SPOPL: variants seen among roughly 807,000 people sequenced by gnomAD.
SPOPL encodes speckle-type POZ protein-like.
Under a neutral mutation model 53.8 loss-of-function variants are expected in SPOPL, and 23 were observed. That is an observed-to-expected ratio of 0.43 (90% confidence interval 0.31 to 0.61). The LOEUF is 0.61. SPOPL is among the 20% of genes least tolerant of loss of function. The pLI, the probability that SPOPL is intolerant of heterozygous loss-of-function variation, is 0.12. For missense variants in SPOPL, 442 were observed against 466.9 expected, an observed-to-expected ratio of 0.95 and a Z score of 0.49; for synonymous variants, 164 against 149.7, an observed-to-expected ratio of 1.10 and a Z score of -0.70.
chr2:138,552,807 C>A (rs1685342021), intron 5 of SPOPL, 126 bp downstream of exon 5: 2 of 1,158,734 alleles, frequency 1.7e-6, no homozygotes, highest in East Asian at 2.7e-5. Context: ...TTTGTAAATT[C>A]TTGACTAGAA....
rs544672804 is a variant in SPOPL, at chr2:138,561,665, AACTT to A, written c.837+740_837+743del. On this transcript the variant is annotated intron_variant, in intron 8 of 10. Transcript: ENST00000280098. Reference sequence around the variant, plus strand: ...ATGAATCTATGACTGTCTCAATAAAAACTTAAATTAAAAACACCATTTACAATAG... The same window carrying A: ...ATGAATCTATGACTGTCTCAATAAAAAAATTAAAAACACCATTTACAATAG... Among the ~76,000 whole-genome samples the A allele has an allele frequency of 2.7e-3, 407 of 152,294 alleles. 1 individual carries two copies. Among genetic ancestry groups the A allele is most frequent in the Non-Finnish European group, 4.0e-3 (271 of 68,018 alleles).
chr2:138,546,383 TAAG>T (rs1558874540), intron 1 of SPOPL, among the ~76,000 whole-genome samples: 1 of 152,216 alleles, frequency 6.6e-6, no homozygotes, highest in African/African-American at 2.4e-5. Flanking sequence ...CCTTTTTCTG[TAAG>T]AATGAGAATA....
chr2:138,546,201 C>T (rs1020847779), intron 1 of SPOPL, among the ~76,000 whole-genome samples: 1 of 152,158 alleles, frequency 6.6e-6, no homozygotes, highest in African/African-American at 2.4e-5. Context: ...ATTTGAATAA[C>T]AAATCTTGCT....
chr2:138,505,984 A>T (rs1684208467), intron 1 of SPOPL, among the ~76,000 whole-genome samples: 1 of 152,122 alleles, frequency 6.6e-6, no homozygotes, highest in Admixed American at 6.6e-5. Context: ...TCAGCACGTG[A>T]GGTTGGTTGA....
chr2:138,532,420 CTTTTTT>C (rs769229731), intron 1 of SPOPL, among the ~76,000 whole-genome samples: 39 of 53,248 alleles, frequency 7.3e-4, no homozygotes, highest in African/African-American at 2.7e-3. Context: ...TTTTTGTTCG[CTTTTTT>C]TTTTTTTTTT....
At chr2:138,565,070 C>T in intron 10 of SPOPL, 77 bp downstream of exon 10, 2 of 1,535,882 alleles carry the variant, frequency 1.3e-6, no homozygotes, top group Non-Finnish European at 1.8e-6. Context: ...TTTTGTTCAT[C>T]TACAATAAGT....
chr2:138,531,695 A>G (rs1684813102), intron 1 of SPOPL, among the ~76,000 whole-genome samples: 1 of 151,804 alleles, frequency 6.6e-6, no homozygotes, highest in South Asian at 2.1e-4. Context: ...TATTCAACTT[A>G]TATTAAGTAG....
intron 8 of SPOPL, among the ~76,000 whole-genome samples, chr2:138,563,778 C>T (rs1272691755): frequency 6.6e-6 from 1 of 152,072 alleles, no homozygotes; most frequent in African/African-American, 2.4e-5. Flanking sequence ...AGGTTTTTAC[C>T]TAAGTGGAAA....
intron 8 of SPOPL, among the ~76,000 whole-genome samples, chr2:138,563,109 A>G (rs1172255846): frequency 1.3e-5 from 2 of 152,236 alleles, no homozygotes; most frequent in African/African-American, 4.8e-5. Context: ...AAACTCAGTT[A>G]TAAGAAAACA....
At chr2:138,530,782 C>G (rs1684789006) in intron 1 of SPOPL, among the ~76,000 whole-genome samples, 1 of 152,094 alleles carries the variant, frequency 6.6e-6, no homozygotes, top group African/African-American at 2.4e-5. Context: ...TTCTTTATGC[C>G]TTTCCAATTC....
At chr2:138,543,294 T>TG (rs1459302786) in intron 1 of SPOPL, among the ~76,000 whole-genome samples, 1 of 152,222 alleles carries the variant, frequency 6.6e-6, no homozygotes, top group African/African-American at 2.4e-5. Flanking sequence ...CTTGCTAGAT[T>TG]GGGGAAGTTC....
chr2:138,568,863 T>A (rs1456415739), intron 10 of SPOPL, 73 bp from the exon 11 acceptor site: 15 of 1,507,942 alleles, frequency 9.9e-6, no homozygotes, highest in Middle Eastern at 1.8e-4. Flanking sequence ...TGCAAGTTTT[T>A]AAGAAATTAA....
intron 5 of SPOPL, 66 bp downstream of exon 5, chr2:138,552,747 G>A: frequency 6.0e-6 from 9 of 1,493,146 alleles, no homozygotes; most frequent in Non-Finnish European, 8.1e-6. Context: ...GTATAAACTG[G>A]ATTAATAACA....
intron 5 of SPOPL, among the ~76,000 whole-genome samples, chr2:138,553,422 C>T (rs1685356389): frequency 6.6e-6 from 1 of 152,066 alleles, no homozygotes; most frequent in Non-Finnish European, 1.5e-5. Flanking sequence ...AGAGAATATA[C>T]ATCAGTAACA....
At chr2:138,516,932 C>T (rs1684450031) in intron 1 of SPOPL, among the ~76,000 whole-genome samples, 1 of 152,156 alleles carries the variant, frequency 6.6e-6, no homozygotes, top group African/African-American at 2.4e-5. Flanking sequence ...TTCACCAGTG[C>T]CTGACCTATT....
At chr2:138,528,018 A>C (rs995777330) in intron 1 of SPOPL, among the ~76,000 whole-genome samples, 1 of 151,954 alleles carries the variant, frequency 6.6e-6, no homozygotes, top group Admixed American at 6.6e-5. Context: ...TTTTCTCCTT[A>C]TTTTTCTTCG....
chr2:138,547,194 G>A (rs1685214649), intron 1 of SPOPL, among the ~76,000 whole-genome samples: 1 of 152,060 alleles, frequency 6.6e-6, no homozygotes, highest in African/African-American at 2.4e-5. Flanking sequence ...TTGAACTCCT[G>A]GGCTCAAGTG....
chr2:138,571,998 CGTGTGTGT>C lies in SPOPL; in HGVS notation c.*2927_*2934del, dbSNP rs146632498. On this transcript the variant is annotated 3_prime_UTR_variant, in exon 11 of 11. Coordinates refer to ENST00000280098, the MANE Select transcript of SPOPL (RefSeq NM_001001664.3). ...GAGAACCTTGCATGAAATATGTGATCGTGTGTGTGTGTGTGTATGCGCGTGTGTGTCTG... is the reference window on the plus strand; with the variant it reads ...GAGAACCTTGCATGAAATATGTGATCGTGTGTGTATGCGCGTGTGTGTCTG... 6.6e-6 allele frequency: 1 copy of C among 150,408 alleles called. No individual in the cohort carries two copies. The highest frequency in any genetic ancestry group is 1.5e-5 in the Non-Finnish European group (1 of 67,304). 9.3% of individuals were successfully genotyped at this position (150,408 alleles called of 1,614,324 possible). A position where few individuals can be genotyped will look rare whatever the true frequency, so the allele number is the denominator to read the frequency against.
chr2:138,542,783 G>A (rs1024834035), intron 1 of SPOPL, among the ~76,000 whole-genome samples: 1 of 152,156 alleles, frequency 6.6e-6, no homozygotes, highest in African/African-American at 2.4e-5. Context: ...TCATTATGAT[G>A]TTAGCTGGTT....
Sources: gnomAD v4.1 joint callset for allele counts (sites outside exome capture counted in the v4.1 genomes callset) on GRCh38, gnomAD v4.1.1 for gene constraint, MANE v1.5 for transcripts, NCBI Gene and HGNC (gene_info 2026-07-23, HGNC 2026-07-21) for gene names.